Variants in MON2 observed in about 807,000 individuals in gnomAD.
The protein encoded by MON2 is MON2 regulator of endosome-to-Golgi trafficking.
Under a neutral mutation model 208.6 loss-of-function variants are expected in MON2, and 84 were observed. The observed-to-expected ratio is 0.40, with a 90% CI of 0.34 to 0.48. The LOEUF (loss-of-function observed/expected upper bound fraction) is 0.48, where lower values mean the gene tolerates loss of function less well. MON2 is among the 20% of genes least tolerant of loss of function. The pLI is 0.59. For missense variants in MON2, 1,611 were observed against 2,015.4 expected (o/e 0.80, Z 3.84); for synonymous variants, 660 against 694.0 (o/e 0.95, Z 0.77).
chr12:62,490,475 TTAAC>T lies in MON2; in HGVS notation c.176-3435_176-3432del, dbSNP rs148108377. ...GGAAGGTATTTACGTAAAGCTATCA[TTAAC>T]TAACATATTATTAAAGTTATTGTGG... On this transcript the variant is annotated intron_variant, in intron 2 of 34. Transcript: ENST00000393630. Among the ~76,000 whole-genome samples, 720 of 152,244 alleles carry T rather than the reference TTAAC, an allele frequency of 4.7e-3. 6 individuals carry two copies. The highest frequency in any genetic ancestry group is 0.016 in the African/African-American group (663 of 41,574).
chr12:62,493,344 G>T (rs1254423368), intron 2 of MON2, among the ~76,000 whole-genome samples: 1 of 152,194 alleles, frequency 6.6e-6, no homozygotes, highest in South Asian at 2.1e-4. Context: ...ATTATAGCAT[G>T]TGTACCCAAT....
chr12:62,559,634 A>C (rs927357017), intron 25 of MON2, among the ~76,000 whole-genome samples: 27 of 152,092 alleles, frequency 1.8e-4, no homozygotes, highest in Non-Finnish European at 3.8e-4. Context: ...TTTAAAAATA[A>C]ATTAGCCAGG....
intron 2 of MON2, chr12:62,490,008 G>T: frequency 2.5e-6 from 3 of 1,202,716 alleles, no homozygotes; most frequent in Non-Finnish European, 3.2e-6. Flanking sequence ...TCATAGTGGG[G>T]TATCCTAGTT....
At chr12:62,578,698 C>T (rs567883102) in intron 31 of MON2, among the ~76,000 whole-genome samples, 193 bp downstream of exon 31, 3 of 152,274 alleles carry the variant, frequency 2.0e-5, no homozygotes, top group East Asian at 3.9e-4. Flanking sequence ...AGATTTGTTA[C>T]AGTCTTGTGC....
intron 1 of MON2, among the ~76,000 whole-genome samples, chr12:62,480,100 C>G (rs1479177128): frequency 6.6e-6 from 1 of 152,100 alleles, no homozygotes; most frequent in Non-Finnish European, 1.5e-5. Flanking sequence ...TAAGATGATA[C>G]AATTCCAGAG....
intron 19 of MON2, among the ~76,000 whole-genome samples, chr12:62,538,758 T>C (rs920900947): frequency 6.6e-6 from 1 of 152,044 alleles, no homozygotes; most frequent in Non-Finnish European, 1.5e-5. Context: ...ATTTTAAAAA[T>C]ATTTTTATAA....
chr12:62,506,286 A>G (rs1035098222), intron 7 of MON2, among the ~76,000 whole-genome samples: 6 of 152,216 alleles, frequency 3.9e-5, no homozygotes, highest in African/African-American at 1.4e-4. Context: ...AAGAATGAAA[A>G]AGTATATTAA....
chr12:62,535,665 T>C lies in MON2; in HGVS notation c.1856T>C (p.Leu619Pro). 1 of 1,613,276 alleles carries C rather than the reference T, an allele frequency of 6.2e-7. No homozygotes were observed. Among genetic ancestry groups the C allele is most frequent in the Non-Finnish European group, 8.5e-7 (1 of 1,179,668 alleles). ...CKGSLPPHYALTVLNTTTAAT... is the reference protein window; with the variant it reads ...CKGSLPPHYAPTVLNTTTAAT... The stretch of plus-strand genomic sequence containing the variant: ...GGTTCCCTGCCTCCCCATTATGCTC[T>C]TACTGTATTGAATACCACCACTGCA... Residue 619 changes from leucine to proline, a missense_variant, in exon 14 of 35, where the codon CTT becomes CCT. Coordinates refer to ENST00000393630, the MANE Select transcript of MON2 (RefSeq NM_015026.3).
chr12:62,523,305 A>G (rs1339107977), intron 8 of MON2, among the ~76,000 whole-genome samples: 1 of 152,000 alleles, frequency 6.6e-6, no homozygotes, highest in Non-Finnish European at 1.5e-5. Context: ...CATTTTTCTC[A>G]TTTGATTTCC....
At chr12:62,474,572 C>T (rs924480447) in intron 1 of MON2, among the ~76,000 whole-genome samples, 26 of 151,976 alleles carry the variant, frequency 1.7e-4, no homozygotes, top group African/African-American at 6.0e-4. Flanking sequence ...TTACAGATGC[C>T]CATCACCATG....
At chr12:62,560,339 C>T in intron 25 of MON2, 152 bp from the exon 26 acceptor site, 1 of 692,910 alleles carries the variant, frequency 1.4e-6, no homozygotes, top group Middle Eastern at 4.5e-4. Flanking sequence ...TTTTAATTCC[C>T]ATTGTTAGTA....
chr12:62,575,852 G>A (rs1169763550), intron 30 of MON2, among the ~76,000 whole-genome samples: 1 of 152,156 alleles, frequency 6.6e-6, no homozygotes, highest in Admixed American at 6.5e-5. Flanking sequence ...AGCCAACTTT[G>A]AGTACCAAAA....
rs569464848 is a variant in MON2 at position 62,540,318 on chromosome 12, A to G, written c.2364+1813A>G. Among the ~76,000 whole-genome samples the G allele has an allele frequency of 1.2e-3, 185 of 152,308 alleles. 1 individual carries two copies. Among genetic ancestry groups the G allele is most frequent in the African/African-American group, 4.3e-3 (178 of 41,584 alleles). The stretch of plus-strand genomic sequence containing the variant: ...GTATGAGAGTCTCAATAAATAATAC[A>G]GATATTAAATGACATGAGACTTACT... On this transcript the variant is annotated intron_variant, in intron 19 of 34. Transcript: ENST00000393630.
At position 62,545,022 on chromosome 12, in the gene MON2, T is replaced by TC. The variant is rs756725873; in HGVS notation, c.2577+14_2577+15insC. On this transcript the variant is annotated intron_variant, in intron 21 of 34. Transcript: ENST00000393630. ...TCACAAAACCAGGTAATAAAAACCT[T>TC]ACTTTTTAAAAAGAATACTCAATAT... 1.3e-6 allele frequency: 2 copies of TC among 1,506,314 alleles called. No homozygotes were observed. The highest frequency in any genetic ancestry group is 4.6e-5 in the East Asian group (2 of 43,864). 93.3% of individuals were successfully genotyped at this position (1,506,314 alleles called of 1,614,324 possible). A position where few individuals can be genotyped will look rare whatever the true frequency, so the allele number is the denominator to read the frequency against.
At chr12:62,555,807 TAAAA>T (rs36090980) in intron 24 of MON2, among the ~76,000 whole-genome samples, 183 bp from the exon 25 acceptor site, 20 of 120,246 alleles carry the variant, frequency 1.7e-4, no homozygotes, top group African/African-American at 3.8e-4. Context: ...AGACTCCATC[TAAAA>T]AAAAAAAAAA....
chr12:62,588,187 C>A, intron 34 of MON2, 31 bp downstream of exon 34: 2 of 1,407,764 alleles, frequency 1.4e-6, no homozygotes, highest in Non-Finnish European at 2.0e-6. Context: ...ATTCTAAATT[C>A]GTAACATTTA....
Position 62,466,938 on chromosome 12 carries a change from A to G in MON2, c.-270A>G. 1 of 506,274 alleles carries G rather than the reference A, an allele frequency of 2.0e-6. No homozygotes were observed. The allele number at this position is 506,274 out of a possible 1,614,324, so 31.4% of individuals were successfully genotyped here. A position where few individuals can be genotyped will look rare whatever the true frequency, so the allele number is the denominator to read the frequency against. ...GGCTGGGCCCCGCGGCAGCGGAGGGACCTGCCCGCCTTGTGGGTTTCTCGG... is the reference window on the plus strand; with the variant it reads ...GGCTGGGCCCCGCGGCAGCGGAGGGGCCTGCCCGCCTTGTGGGTTTCTCGG... On this transcript the variant is annotated 5_prime_UTR_variant, in exon 1 of 35. Coordinates refer to ENST00000393630, the MANE Select transcript of MON2 (RefSeq NM_015026.3).
At chr12:62,467,447 G>A in intron 1 of MON2, 129 bp downstream of exon 1, 2 of 724,874 alleles carry the variant, frequency 2.8e-6, no homozygotes, top group South Asian at 3.4e-5. Context: ...TGAGTCGGTG[G>A]GTTGTTCCAC....
At chr12:62,541,249 T>G (rs1224926366) in intron 19 of MON2, among the ~76,000 whole-genome samples, 2 of 151,962 alleles carry the variant, frequency 1.3e-5, no homozygotes, top group African/African-American at 2.4e-5. Flanking sequence ...GGCATGGTGG[T>G]GCACACCTAT....
Sources: gnomAD v4.1 joint callset for allele counts (sites outside exome capture counted in the v4.1 genomes callset) on GRCh38, gnomAD v4.1.1 for gene constraint, MANE v1.5 for transcripts, NCBI Gene and HGNC (gene_info 2026-07-23, HGNC 2026-07-21) for gene names.